Variants in SLC26A5 observed in about 807,000 individuals in gnomAD.
SLC26A5 encodes solute carrier family 26 member 5, also known as prestin.
Under a neutral mutation model 81.0 loss-of-function variants are expected in SLC26A5, and 51 were observed. The observed-to-expected ratio is 0.63, with a 90% confidence interval of 0.50 to 0.80. The LOEUF is 0.80. SLC26A5 is among the 30% of genes least tolerant of loss of function. SLC26A5 has a pLI of 0.00. For synonymous variants in SLC26A5, 325 were observed against 332.8 expected (o/e 0.98, Z 0.25); for missense variants, 771 against 905.8 (o/e 0.85, Z 1.91).
rs115302859 is a variant in SLC26A5 at position 103,380,592 on chromosome 7, C to T, written c.1515-43G>A. Reference sequence around the variant, plus strand: ...TAAATACCATTGTGTTGAGGCACAGCGTGTGATTTCAACAGGAGGTTGTGT... The same window carrying T: ...TAAATACCATTGTGTTGAGGCACAGTGTGTGATTTCAACAGGAGGTTGTGT... On this transcript the variant is annotated intron_variant, in intron 14 of 19. Transcript: ENST00000306312. The T allele has an allele frequency of 1.4e-3, 2,122 of 1,554,006 alleles. 31 individuals carry two copies. In the African/African-American group the frequency reaches 0.026, roughly 19 times the overall value.
At chr7:103,390,378 CAAAATCTCTACACATGAAA>C in intron 12 of SLC26A5, 32 bp downstream of exon 12, 1 of 1,493,354 alleles carries the variant, frequency 6.7e-7, no homozygotes, top group Non-Finnish European at 9.3e-7. Context: ...AATAAAATAG[CAAAATCTCTACACATGAAA>C]AAAACTTCAC....
At chr7:103,373,030 A>G (rs975845781), downstream of SLC26A5, among the ~76,000 whole-genome samples, 1 of 152,222 alleles carries the variant, frequency 6.6e-6, no homozygotes, top group Admixed American at 6.5e-5. Context: ...TGGAGAAGGG[A>G]AAGCTTAGTT....
chr7:103,354,502 G>T (rs1819922346), intron 19 of SLC26A5, among the ~76,000 whole-genome samples: 1 of 151,686 alleles, frequency 6.6e-6, no homozygotes, highest in African/African-American at 2.4e-5. Flanking sequence ...CTGAGTAGCT[G>T]GGATTATGAG....
At chr7:103,390,048 T>C (rs751927876) in intron 12 of SLC26A5, among the ~76,000 whole-genome samples, 4 of 152,230 alleles carry the variant, frequency 2.6e-5, no homozygotes, top group Non-Finnish European at 5.9e-5. Context: ...CTCTACTCTA[T>C]ATGGTTCCTG....
chr7:103,430,237 C>A (rs187180031), intron 2 of SLC26A5, among the ~76,000 whole-genome samples: 4 of 152,200 alleles, frequency 2.6e-5, no homozygotes, highest in African/African-American at 9.6e-5. Flanking sequence ...TGCCACCATA[C>A]CTGGCTAATT....
At position 103,410,552 on chromosome 7, in the gene SLC26A5, AT is replaced by A. The variant is rs753273893; in HGVS notation, c.571-4del. 2.0e-4 allele frequency: 291 copies of A among 1,481,490 alleles called. 1 individual carries two copies. The highest frequency in any genetic ancestry group is 2.2e-4 in the Admixed American group (12 of 54,624). 91.8% of individuals were successfully genotyped at this position (1,481,490 alleles called of 1,614,324 possible). The stretch of plus-strand genomic sequence containing the variant: ...AACCTACAGACACCTAGGCAAAACT[AT>A]TTTTTTTTAATGACAAAGAAACAAA... On this transcript the variant is annotated splice_region_variant and splice_polypyrimidine_tract_variant and intron_variant, in intron 6 of 19. Coordinates refer to ENST00000306312, the MANE Select transcript of SLC26A5 (RefSeq NM_198999.3).
At chr7:103,397,048 T>C (rs1018230382) in intron 9 of SLC26A5, among the ~76,000 whole-genome samples, 4 of 150,068 alleles carry the variant, frequency 2.7e-5, no homozygotes, top group Admixed American at 1.3e-4. Context: ...TGAGCCGAGA[T>C]TGTGCCATTG....
chr7:103,388,242 G>A (rs1822362473), intron 14 of SLC26A5, among the ~76,000 whole-genome samples: 1 of 148,830 alleles, frequency 6.7e-6, no homozygotes, highest in African/African-American at 2.5e-5. Context: ...TGTTGCCCAG[G>A]CTGGAGCGTA....
intron 7 of SLC26A5, among the ~76,000 whole-genome samples, chr7:103,409,864 C>T (rs1387780989): frequency 2.6e-5 from 4 of 151,996 alleles, no homozygotes; most frequent in Non-Finnish European, 5.9e-5. Context: ...CCCGCCACCA[C>T]ACCTGGCTAA....
chr7:103,410,650 T>C (rs1205345383), intron 6 of SLC26A5, 101 bp from the exon 7 acceptor site: 3 of 1,170,736 alleles, frequency 2.6e-6, no homozygotes, highest in African/African-American at 3.1e-5. Context: ...CATTTTCTTT[T>C]TTTTTTGAGA....
intron 2 of SLC26A5, among the ~76,000 whole-genome samples, chr7:103,439,408 G>C (rs2116858780): frequency 6.6e-6 from 1 of 152,282 alleles, no homozygotes; most frequent in East Asian, 1.9e-4. Context: ...GGCCCTGTGT[G>C]ATCTTTAGCA....
At chr7:103,393,181 T>C in intron 9 of SLC26A5, 115 bp from the exon 10 acceptor site, 1 of 1,265,024 alleles carries the variant, frequency 7.9e-7, no homozygotes, top group Non-Finnish European at 1.1e-6. Flanking sequence ...AAGTAATCAA[T>C]GCTTGGATAC....
chr7:103,409,990 AGCCAC>A (rs1824357156), intron 7 of SLC26A5, among the ~76,000 whole-genome samples: 1 of 152,168 alleles, frequency 6.6e-6, no homozygotes. Flanking sequence ...TACAGGCATA[AGCCAC>A]CACGCCCGGC....
chr7:103,390,220 A>G (rs1318036524), intron 12 of SLC26A5, among the ~76,000 whole-genome samples: 1 of 152,190 alleles, frequency 6.6e-6, no homozygotes, highest in Non-Finnish European at 1.5e-5. Flanking sequence ...ACCGAGACTC[A>G]GAGGAGTTAA....
At chr7:103,360,307 G>A (rs1366943023) in intron 19 of SLC26A5, among the ~76,000 whole-genome samples, 4 of 152,070 alleles carry the variant, frequency 2.6e-5, no homozygotes, top group Non-Finnish European at 5.9e-5. Context: ...CCAGGGTTTG[G>A]TATTATTGCT....
intron 9 of SLC26A5, among the ~76,000 whole-genome samples, chr7:103,396,640 C>T (rs1478124580): frequency 6.6e-6 from 1 of 152,034 alleles, no homozygotes; most frequent in Non-Finnish European, 1.5e-5. Flanking sequence ...TTCATAAAAA[C>T]AGAAAGATGA....
chr7:103,390,019 C>T (rs1189593778), intron 12 of SLC26A5, among the ~76,000 whole-genome samples: 2 of 152,306 alleles, frequency 1.3e-5, no homozygotes, highest in Non-Finnish European at 1.5e-5. Flanking sequence ...CACCTATGGT[C>T]TTTCTACATT....
chr7:103,382,195 T>C (rs1281692059), intron 14 of SLC26A5, among the ~76,000 whole-genome samples: 1 of 152,098 alleles, frequency 6.6e-6, no homozygotes, highest in Non-Finnish European at 1.5e-5. Context: ...AGAGGGAATT[T>C]TTGTTTGTTG....
At chr7:103,380,068 G>A (rs1395521521) in intron 15 of SLC26A5, among the ~76,000 whole-genome samples, 1 of 151,978 alleles carries the variant, frequency 6.6e-6, no homozygotes, top group East Asian at 1.9e-4. Context: ...TCAAAATCAA[G>A]GAAATCTGAA....
Sources: allele counts gnomAD v4.1 joint callset (sites outside exome capture counted in the v4.1 genomes callset), GRCh38; gene constraint gnomAD v4.1.1; transcripts MANE v1.5; gene names NCBI Gene and HGNC (gene_info 2026-07-23, HGNC 2026-07-21).